The following GATAD2B variants were observed in gnomAD, a reference collection of about 807,000 sequenced individuals.
The protein encoded by GATAD2B is transcriptional repressor p66-beta.
In GATAD2B, 8 loss-of-function variants were observed where a neutral mutation model predicts 64.3. The ratio of observed to expected loss-of-function variants is 0.12; its 90% CI spans 0.07 to 0.22. The LOEUF is 0.22. Among genes scored for constraint, GATAD2B ranks in the 10% least tolerant of loss-of-function variants. GATAD2B has a pLI of 1.00. For missense variants in GATAD2B, 453 were observed against 752.0 expected, an observed-to-expected ratio of 0.60 and a Z score of 4.65; for synonymous variants, 281 against 271.3, an observed-to-expected ratio of 1.04 and a Z score of -0.35.
At chr1:153,860,377 T>G (rs1457160206) in intron 1 of GATAD2B, among the ~76,000 whole-genome samples, 1 of 151,976 alleles carries the variant, frequency 6.6e-6, no homozygotes, top group African/African-American at 2.4e-5. Context: ...CTCTGTCACC[T>G]AGGCTGGAGT....
chr1:153,841,135 A>G (rs1178883585), intron 1 of GATAD2B, among the ~76,000 whole-genome samples: 9 of 151,450 alleles, frequency 5.9e-5, no homozygotes, highest in Non-Finnish European at 1.0e-4. Context: ...AAAAAAAAAA[A>G]AAAAAAGAAA....
chr1:153,869,890 G>A (rs142723065), intron 1 of GATAD2B, among the ~76,000 whole-genome samples: 16 of 152,132 alleles, frequency 1.1e-4, no homozygotes, highest in African/African-American at 3.6e-4. Context: ...ACTTTGGGAG[G>A]CTGAGGCGGC....
At position 153,875,266 on chromosome 1, in the gene GATAD2B, G is replaced by C. The variant is rs139378787; in HGVS notation, c.-1-46918C>G. 3.1e-4 allele frequency among the ~76,000 whole-genome samples: 47 copies of C among 152,114 alleles called. No homozygotes were observed. In the East Asian group the frequency reaches 8.1e-3, roughly 26 times the overall value. ...AAAAAAAGACTCTTGATTAGACCAG[G>C]GGCATCCAACCTTTTGGCTTCCCTG... On this transcript the variant is annotated intron_variant, in intron 1 of 10. Transcript: ENST00000368655.
At chr1:153,834,798 G>A (rs1343018738) in intron 1 of GATAD2B, among the ~76,000 whole-genome samples, 2 of 152,080 alleles carry the variant, frequency 1.3e-5, no homozygotes, top group African/African-American at 4.8e-5. Context: ...AAAAGTGGTA[G>A]AAACAGCAAG....
At chr1:153,910,284 C>A (rs944058527) in intron 1 of GATAD2B, among the ~76,000 whole-genome samples, 4 of 152,048 alleles carry the variant, frequency 2.6e-5, no homozygotes, top group Non-Finnish European at 4.4e-5. Context: ...GTACATTCCC[C>A]AACTTACAAT....
intron 1 of GATAD2B, among the ~76,000 whole-genome samples, chr1:153,882,692 CTT>C (rs1293533533): frequency 2.6e-5 from 4 of 152,194 alleles, no homozygotes; most frequent in African/African-American, 9.7e-5. Flanking sequence ...ACACTTTACT[CTT>C]TGCATTCTAG....
chr1:153,917,464 G>A (rs1019995522), intron 1 of GATAD2B, among the ~76,000 whole-genome samples: 32 of 147,218 alleles, frequency 2.2e-4, no homozygotes, highest in Admixed American at 3.4e-4. Flanking sequence ...GTGCAATCTC[G>A]ACTCACTGCA....
At chr1:153,848,738 G>A (rs6666957) in intron 1 of GATAD2B, among the ~76,000 whole-genome samples, 19,406 of 152,022 alleles carry the variant, frequency 0.13, 2,116 homozygotes, top group African/African-American at 0.28. Context: ...TGGATCATGA[G>A]GTCAGGAGTT....
At chr1:153,914,619 C>CA (rs1678210048) in intron 1 of GATAD2B, 1 of 152,166 alleles carries the variant, frequency 6.6e-6, no homozygotes, top group South Asian at 2.1e-4. Context: ...CCATGCTAGG[C>CA]AATGGAAATA....
chr1:153,856,749 A>G (rs552925711), intron 1 of GATAD2B, among the ~76,000 whole-genome samples: 1 of 152,196 alleles, frequency 6.6e-6, no homozygotes, highest in Admixed American at 6.6e-5. Context: ...TCTAATAAAT[A>G]AACCAACTAA....
intron 1 of GATAD2B, among the ~76,000 whole-genome samples, chr1:153,839,196 A>G (rs1316671644): frequency 1.3e-5 from 2 of 151,738 alleles, no homozygotes; most frequent in Non-Finnish European, 2.9e-5. Context: ...AAAATGTCCA[A>G]CTTTAAACTT....
chr1:153,866,888 C>T (rs1676497276), intron 1 of GATAD2B, among the ~76,000 whole-genome samples: 1 of 152,182 alleles, frequency 6.6e-6, no homozygotes, highest in African/African-American at 2.4e-5. Flanking sequence ...TCAATAGATT[C>T]TCCTGCCTCA....
chr1:153,876,013 G>A (rs555873951), intron 1 of GATAD2B, among the ~76,000 whole-genome samples: 1 of 152,004 alleles, frequency 6.6e-6, no homozygotes, highest in Admixed American at 6.6e-5. Flanking sequence ...CGGATCATGA[G>A]GTCAGGAGTT....
At chr1:153,831,633 A>G (rs561833613) in intron 1 of GATAD2B, among the ~76,000 whole-genome samples, 1 of 152,304 alleles carries the variant, frequency 6.6e-6, no homozygotes, top group East Asian at 1.9e-4. Context: ...TCAACTTTAG[A>G]ACATTTTTAT....
chr1:153,859,522 T>C (rs146127342), intron 1 of GATAD2B, among the ~76,000 whole-genome samples: 3,041 of 151,392 alleles, frequency 0.02, 109 homozygotes, highest in African/African-American at 0.07. Context: ...ATACAAAAAT[T>C]AGCCAGGTGT....
rs147096071 is a variant in GATAD2B, at chr1:153,827,764, T to A, written c.335+249A>T. 2.8e-3 allele frequency among the ~76,000 whole-genome samples: 429 copies of A among 152,286 alleles called. 13 individuals are homozygous for A. The East Asian group carries it at 0.069, about 24-fold the overall frequency. ...TCCATTTGGCCTATCAGCTCTCTAG[T>A]GCCCCCTTTATCTAGAAATGACCAT... On this transcript the variant is annotated intron_variant, in intron 2 of 10. Transcript: ENST00000368655.
chr1:153,856,352 T>C (rs1676081135), intron 1 of GATAD2B, among the ~76,000 whole-genome samples: 1 of 152,142 alleles, frequency 6.6e-6, no homozygotes, highest in Non-Finnish European at 1.5e-5. Context: ...CTTAAGTATT[T>C]AGAGGTGAAA....
chr1:153,889,872 C>T (rs1677316982), intron 1 of GATAD2B, among the ~76,000 whole-genome samples: 1 of 152,034 alleles, frequency 6.6e-6, no homozygotes, highest in Admixed American at 6.6e-5. Flanking sequence ...TCTACATTAT[C>T]AATAGAAAGA....
intron 7 of GATAD2B, among the ~76,000 whole-genome samples, chr1:153,815,102 A>AAAAAC (rs1674415674): frequency 1.4e-5 from 2 of 143,614 alleles, no homozygotes; most frequent in Non-Finnish European, 3.1e-5. Flanking sequence ...AAAAAAAAAA[A>AAAAAC]AAAAAAAAAA....
Sources: gnomAD v4.1 joint callset for allele counts (sites outside exome capture counted in the v4.1 genomes callset) on GRCh38, gnomAD v4.1.1 for gene constraint, MANE v1.5 for transcripts, NCBI Gene and HGNC (gene_info 2026-07-23, HGNC 2026-07-21) for gene names.